The following MAP3K14 variants were observed in gnomAD, a reference collection of about 807,000 sequenced individuals.
MAP3K14 encodes the protein mitogen-activated protein kinase kinase kinase 14.
MAP3K14 carries 16 observed loss-of-function variants against 99.2 expected under a neutral mutation model. The ratio of observed to expected loss-of-function variants is 0.16; its 90% confidence interval spans 0.11 to 0.24. The LOEUF (loss-of-function observed/expected upper bound fraction) is 0.24, where lower values mean the gene tolerates loss of function less well. MAP3K14 is among the 10% of genes least tolerant of loss of function. The pLI is 1.00. For missense variants in MAP3K14, 784 were observed against 1,208.7 expected (o/e 0.65, Z 5.21); for synonymous variants, 462 against 492.4 (o/e 0.94, Z 0.82).
intron 1 of MAP3K14, among the ~76,000 whole-genome samples, chr17:45,296,847 T>G (rs905399346): frequency 2.0e-5 from 3 of 152,198 alleles, no homozygotes; most frequent in Non-Finnish European, 2.9e-5. Flanking sequence ...CACCTATCCT[T>G]TAAGGCCTAT....
chr17:45,297,178 C>A (rs1209087822), intron 1 of MAP3K14, among the ~76,000 whole-genome samples: 1 of 152,158 alleles, frequency 6.6e-6, no homozygotes, highest in Non-Finnish European at 1.5e-5. Flanking sequence ...CACTCTTGGC[C>A]CATTCTCTTA....
chr17:45,276,822 T>TA (rs1290622807), intron 6 of MAP3K14, among the ~76,000 whole-genome samples: 1 of 121,984 alleles, frequency 8.2e-6, no homozygotes, highest in Non-Finnish European at 1.7e-5. Flanking sequence ...CTCTTAGACT[T>TA]CTTTTTTTTT....
rs1407242744 is a variant in MAP3K14, at chr17:45,273,612, C to T, written c.1553-5G>A. On this transcript the variant is annotated splice_polypyrimidine_tract_variant and splice_region_variant and intron_variant, in intron 8 of 15. Coordinates refer to ENST00000344686, the MANE Select transcript of MAP3K14 (RefSeq NM_003954.5). ...TGGACAGGAGCACGTTGTCAGCTGC[C>T]AGGCCGCCCCGGGGAGGAAGAGGAA... The T allele has an allele frequency of 1.2e-6, 2 of 1,608,528 alleles. No homozygotes were observed. The highest frequency in any genetic ancestry group is 1.7e-5 in the Admixed American group (1 of 59,476).
At chr17:45,287,516 G>T (rs2044277348) in intron 3 of MAP3K14, among the ~76,000 whole-genome samples, 152 bp from the exon 4 acceptor site, 1 of 152,126 alleles carries the variant, frequency 6.6e-6, no homozygotes, top group South Asian at 2.1e-4. Context: ...AAATCCCAAG[G>T]AACCTGTTTT....
intron 1 of MAP3K14, among the ~76,000 whole-genome samples, chr17:45,301,748 G>A (rs766679001): frequency 1.3e-5 from 2 of 151,842 alleles, no homozygotes; most frequent in Non-Finnish European, 2.9e-5. Context: ...TTTGGTGGTG[G>A]GCTTATGGAT....
intron 6 of MAP3K14, among the ~76,000 whole-genome samples, chr17:45,276,808 C>T (rs899086613): frequency 1.4e-5 from 2 of 147,360 alleles, no homozygotes; most frequent in Admixed American, 6.9e-5. Context: ...CCACTGTGCC[C>T]GGCCTCTTAG....
chr17:45,267,029 C>G lies in MAP3K14; in HGVS notation c.2433+63G>C. Reference sequence around the variant, plus strand: ...CTAGCTGGACGCAAAGCTACTTGCTCTGTGCCAGGGCCGGGAAAACCACAC... The same window carrying G: ...CTAGCTGGACGCAAAGCTACTTGCTGTGTGCCAGGGCCGGGAAAACCACAC... On this transcript the variant is annotated intron_variant, in intron 13 of 15. Coordinates refer to ENST00000344686, the MANE Select transcript of MAP3K14 (RefSeq NM_003954.5). This position sits in a 1 kb window ranked among gnomAD's most constrained non-coding sequence, Gnocchi z 5.1. 5 of 1,237,426 alleles carry G rather than the reference C, an allele frequency of 4.0e-6. No homozygotes were observed. The highest frequency in any genetic ancestry group is 1.3e-5 in the South Asian group (1 of 77,436). 76.7% of individuals were successfully genotyped at this position (1,237,426 alleles called of 1,614,324 possible). A position where few individuals can be genotyped will look rare whatever the true frequency, so the allele number is the denominator to read the frequency against.
At chr17:45,291,518 G>A (rs1300205734) in intron 1 of MAP3K14, among the ~76,000 whole-genome samples, 1 of 152,086 alleles carries the variant, frequency 6.6e-6, no homozygotes. Context: ...GCCCTAACAC[G>A]AACCTATACC....
intron 1 of MAP3K14, among the ~76,000 whole-genome samples, chr17:45,293,002 C>T (rs2044322318): frequency 6.6e-6 from 1 of 152,152 alleles, no homozygotes; most frequent in South Asian, 2.1e-4. Context: ...GGAGGGCACA[C>T]TAAGGTCCTC....
intron 1 of MAP3K14, among the ~76,000 whole-genome samples, chr17:45,295,038 G>A (rs2044337071): frequency 6.6e-6 from 1 of 152,218 alleles, no homozygotes; most frequent in South Asian, 2.1e-4. Flanking sequence ...GGGCAGGAAT[G>A]GGGTTTACAG....
chr17:45,301,662 C>T (rs2044388905), intron 1 of MAP3K14, among the ~76,000 whole-genome samples: 1 of 151,998 alleles, frequency 6.6e-6, no homozygotes, highest in African/African-American at 2.4e-5. Context: ...AAATACGACC[C>T]TATATACATG....
intron 14 of MAP3K14, 147 bp from the exon 15 acceptor site, chr17:45,265,410 G>C (rs2044070199): frequency 1.6e-6 from 1 of 628,174 alleles, no homozygotes; most frequent in Admixed American, 2.7e-5. Flanking sequence ...GAGCAGCAGA[G>C]ATAAAATTTA....
At chr17:45,307,963 A>G (rs1013106530) in intron 1 of MAP3K14, among the ~76,000 whole-genome samples, 1 of 152,230 alleles carries the variant, frequency 6.6e-6, no homozygotes, top group Non-Finnish European at 1.5e-5. Flanking sequence ...AGCTGGACCA[A>G]GTAACCAGCT....
chr17:45,272,153 G>A lies in MAP3K14; in HGVS notation c.1658-932C>T, dbSNP rs1012458199. On this transcript the variant is annotated intron_variant, in intron 9 of 15. Transcript: ENST00000344686. The surrounding 1 kb of genome is among the most constrained non-coding windows in gnomAD (Gnocchi z 4.1). ...CCTGGGCAACATACTGAGACCCCATGTATATCTACAAAAAACATAAAAATT... is the reference window on the plus strand; with the variant it reads ...CCTGGGCAACATACTGAGACCCCATATATATCTACAAAAAACATAAAAATT... Among the ~76,000 whole-genome samples, 2 of 151,882 alleles carry A rather than the reference G, an allele frequency of 1.3e-5. No homozygotes were observed. The highest frequency in any genetic ancestry group is 2.4e-5 in the African/African-American group (1 of 41,324).
At chr17:45,278,890 C>G (rs1235172575) in intron 6 of MAP3K14, among the ~76,000 whole-genome samples, 3 of 152,122 alleles carry the variant, frequency 2.0e-5, no homozygotes, top group African/African-American at 7.2e-5. Context: ...TCTTGAACTC[C>G]TAGGCTCAAG....
chr17:45,308,579 C>G (rs1285365220), intron 1 of MAP3K14, among the ~76,000 whole-genome samples: 1 of 152,088 alleles, frequency 6.6e-6, no homozygotes, highest in Non-Finnish European at 1.5e-5. Flanking sequence ...CCATAGCTTA[C>G]TACAGCCTCG....
chr17:45,299,754 C>G (rs1031965741), intron 1 of MAP3K14, among the ~76,000 whole-genome samples: 2 of 152,152 alleles, frequency 1.3e-5, no homozygotes, highest in African/African-American at 4.8e-5. Context: ...TAAAATCTTA[C>G]AGATCAATTA....
intron 1 of MAP3K14, among the ~76,000 whole-genome samples, chr17:45,310,769 C>T (rs1489326368): frequency 6.6e-6 from 1 of 152,188 alleles, no homozygotes; most frequent in Non-Finnish European, 1.5e-5. Context: ...AGGAAAGTGC[C>T]CTAAAGGTGT....
intron 1 of MAP3K14, among the ~76,000 whole-genome samples, chr17:45,294,403 T>C (rs566311194): frequency 6.6e-6 from 1 of 152,346 alleles, no homozygotes; most frequent in African/African-American, 2.4e-5. Context: ...TGGGCATAGC[T>C]GTATGAGGAG....
Sources: allele counts gnomAD v4.1 joint callset (sites outside exome capture counted in the v4.1 genomes callset), GRCh38; gene constraint gnomAD v4.1.1; non-coding constraint Gnocchi (gnomAD v3.1); transcripts MANE v1.5; gene names NCBI Gene and HGNC (gene_info 2026-07-23, HGNC 2026-07-21).